TOP1: variants seen among roughly 807,000 people sequenced by gnomAD.
TOP1 encodes DNA topoisomerase I.
In TOP1, 10 loss-of-function variants were observed where a neutral mutation model predicts 111.1. That is an observed-to-expected ratio of 0.09 (90% confidence interval 0.06 to 0.15). TOP1 has a LOEUF of 0.15. Ranked by LOEUF, TOP1 falls within the 10% of genes least tolerant of loss-of-function variation. The probability of loss-of-function intolerance (pLI) is 1.00; values close to 1 mark genes in which losing one functional copy is unlikely to be tolerated. For synonymous variants in TOP1, 271 were observed against 302.9 expected, an observed-to-expected ratio of 0.89 and a Z score of 1.10; for missense variants, 474 against 926.7, an observed-to-expected ratio of 0.51 and a Z score of 6.34.
Position 41,037,088 on chromosome 20 carries a change from C to G in TOP1, c.58+7633C>G, listed in dbSNP as rs536870198. 1.2e-4 allele frequency among the ~76,000 whole-genome samples: 18 copies of G among 152,188 alleles called. No homozygotes were observed. In the South Asian group the frequency reaches 1.9e-3, roughly 16 times the overall value. ...CTCGTGATCCACCAGCCTCGGCCTC[C>G]CAAAGTGCTGGGATTACATGCATGA... On this transcript the variant is annotated intron_variant, in intron 2 of 20. Coordinates refer to ENST00000361337, the MANE Select transcript of TOP1 (RefSeq NM_003286.4).
chr20:41,029,036 G>T lies in TOP1; in HGVS notation c.-32G>T. ...GTCTGCGTCTCCCCCACGCCGCCTC[G>T]CCTGCCGCCGCGCTCGTCCCTCCGG... On this transcript the variant is annotated 5_prime_UTR_variant, in exon 1 of 21. Transcript: ENST00000361337. The surrounding 1 kb of genome is among the most constrained non-coding windows in gnomAD (Gnocchi z 6.1). 3 of 1,542,112 alleles carry T rather than the reference G, an allele frequency of 1.9e-6. No individual in the cohort carries two copies. Among genetic ancestry groups the T allele is most frequent in the South Asian group, 1.2e-5 (1 of 84,478 alleles).
chr20:41,120,379 T>C (rs974791084), intron 18 of TOP1, among the ~76,000 whole-genome samples: 1 of 152,218 alleles, frequency 6.6e-6, no homozygotes, highest in South Asian at 2.1e-4. Flanking sequence ...CAACAAACAA[T>C]TCCAGGTTCA....
At chr20:41,039,334 G>C (rs1352974983) in intron 2 of TOP1, among the ~76,000 whole-genome samples, 3 of 152,114 alleles carry the variant, frequency 2.0e-5, no homozygotes, top group Non-Finnish European at 4.4e-5. Flanking sequence ...GGTACTTTCT[G>C]GCAGTTAATA....
Position 41,095,537 on chromosome 20 carries a change from G to A in TOP1, c.731-1683G>A, listed in dbSNP as rs1019291849. ...GTCTTTCTTCCAAAGCAGAAGCTTGGGGGTTGATGGGGGCAGCTGCGCCAC... is the reference window on the plus strand; with the variant it reads ...GTCTTTCTTCCAAAGCAGAAGCTTGAGGGTTGATGGGGGCAGCTGCGCCAC... On this transcript the variant is annotated intron_variant, in intron 9 of 20. Coordinates refer to ENST00000361337, the MANE Select transcript of TOP1 (RefSeq NM_003286.4). This position sits in a 1 kb window ranked among gnomAD's most constrained non-coding sequence, Gnocchi z 4.6. Among the ~76,000 whole-genome samples the A allele has an allele frequency of 6.6e-6, 1 of 152,128 alleles. No homozygotes were observed. Among genetic ancestry groups the A allele is most frequent in the Non-Finnish European group, 1.5e-5 (1 of 68,016 alleles).
chr20:41,097,193 A>C lies in TOP1; in HGVS notation c.731-27A>C. ...GCTTAGAACATGAATACTATACCTCACTTTTTGGAACCACTTTTTTCTCTA... is the reference window on the plus strand; with the variant it reads ...GCTTAGAACATGAATACTATACCTCCCTTTTTGGAACCACTTTTTTCTCTA... On this transcript the variant is annotated intron_variant, in intron 9 of 20. Coordinates refer to ENST00000361337, the MANE Select transcript of TOP1 (RefSeq NM_003286.4). The surrounding 1 kb of genome is among the most constrained non-coding windows in gnomAD (Gnocchi z 4.2). The C allele has an allele frequency of 6.2e-7, 1 of 1,609,354 alleles. No homozygotes were observed. The highest frequency in any genetic ancestry group is 8.5e-7 in the Non-Finnish European group (1 of 1,178,834).
chr20:41,071,493 T>G lies in TOP1; in HGVS notation c.156-4678T>G, dbSNP rs1488421790. 6.6e-6 allele frequency among the ~76,000 whole-genome samples: 1 copy of G among 151,980 alleles called. No homozygotes were observed. Among genetic ancestry groups the G allele is most frequent in the Non-Finnish European group, 1.5e-5 (1 of 67,966 alleles). On this transcript the variant is annotated intron_variant, in intron 3 of 20. Coordinates refer to ENST00000361337, the MANE Select transcript of TOP1 (RefSeq NM_003286.4). This position sits in a 1 kb window ranked among gnomAD's most constrained non-coding sequence, Gnocchi z 4.3. Reference sequence around the variant, plus strand: ...CCCAGTAGCTGGGATTACAGGCATGTGCCACCACGCCCAGCTAATTTTTGT... The same window carrying G: ...CCCAGTAGCTGGGATTACAGGCATGGGCCACCACGCCCAGCTAATTTTTGT...
In TOP1 at chr20:41,029,840, T is replaced by C; in HGVS notation, c.58+385T>C. The C allele has an allele frequency of 3.6e-6, 1 of 280,364 alleles. No homozygotes were observed. Among genetic ancestry groups the C allele is most frequent in the Non-Finnish European group, 7.0e-6 (1 of 143,416 alleles). 17.4% of individuals were successfully genotyped at this position (280,364 alleles called of 1,614,324 possible). A position where few individuals can be genotyped will look rare whatever the true frequency, so the allele number is the denominator to read the frequency against. Reference sequence around the variant, plus strand: ...TCTTTCTCTCCCTCCCTCGGCTCTTTCCTTGAGCTGCCCAGAATGAGCTTT... The same window carrying C: ...TCTTTCTCTCCCTCCCTCGGCTCTTCCCTTGAGCTGCCCAGAATGAGCTTT... On this transcript the variant is annotated intron_variant, in intron 2 of 20. Coordinates refer to ENST00000361337, the MANE Select transcript of TOP1 (RefSeq NM_003286.4). The surrounding 1 kb of genome is among the most constrained non-coding windows in gnomAD (Gnocchi z 6.1).
At chr20:41,035,851 C>T (rs2033178557) in intron 2 of TOP1, among the ~76,000 whole-genome samples, 1 of 152,126 alleles carries the variant, frequency 6.6e-6, no homozygotes, top group African/African-American at 2.4e-5. Flanking sequence ...ACTGATTGTG[C>T]AGGAGACTAA....
rs770398101 is a variant in TOP1, at chr20:41,029,631, C to G, written c.58+176C>G. The G allele has an allele frequency of 3.0e-6, 2 of 674,818 alleles. No individual in the cohort carries two copies. Among genetic ancestry groups the G allele is most frequent in the Admixed American group, 4.3e-5 (2 of 46,238 alleles). The allele number at this position is 674,818 out of a possible 1,614,324, so 41.8% of individuals were successfully genotyped here. Reference sequence around the variant, plus strand: ...CCTCTTGACCCCCTTTCCGGGGACCCCAGCTCCTCCAGATCCCGGCCCTCC... The same window carrying G: ...CCTCTTGACCCCCTTTCCGGGGACCGCAGCTCCTCCAGATCCCGGCCCTCC... On this transcript the variant is annotated intron_variant, in intron 2 of 20. Transcript: ENST00000361337. This position sits in a 1 kb window ranked among gnomAD's most constrained non-coding sequence, Gnocchi z 6.1.
At chr20:41,035,478 A>C (rs904187005) in intron 2 of TOP1, among the ~76,000 whole-genome samples, 2 of 152,198 alleles carry the variant, frequency 1.3e-5, no homozygotes, top group Admixed American at 6.5e-5. Context: ...AAAGATGTTA[A>C]AGCAATCAGT....
At chr20:41,047,362 A>G (rs2033347062) in intron 2 of TOP1, among the ~76,000 whole-genome samples, 1 of 152,230 alleles carries the variant, frequency 6.6e-6, no homozygotes, top group African/African-American at 2.4e-5. Flanking sequence ...ACTGTGTTAC[A>G]GTTTCCTACA....
chr20:41,053,857 C>T (rs980070960), intron 2 of TOP1, among the ~76,000 whole-genome samples: 1 of 152,130 alleles, frequency 6.6e-6, no homozygotes, highest in African/African-American at 2.4e-5. Flanking sequence ...TCTCTAGATA[C>T]ACCTTGGAGT....
In TOP1 at chr20:41,079,549, A is replaced by T. The variant is rs1020675150; in HGVS notation, c.336-536A>T. The stretch of plus-strand genomic sequence containing the variant: ...TTTATTCTGGTTTAACACGTGCCCT[A>T]CTTTTGTTGTAATGTTGTCAGCTTG... On this transcript the variant is annotated intron_variant, in intron 5 of 20. Transcript: ENST00000361337. This position sits in a 1 kb window ranked among gnomAD's most constrained non-coding sequence, Gnocchi z 4.0. Among the ~76,000 whole-genome samples, 1 of 152,214 alleles carries T rather than the reference A, an allele frequency of 6.6e-6. No individual in the cohort carries two copies. The highest frequency in any genetic ancestry group is 6.5e-5 in the Admixed American group (1 of 15,288).
chr20:41,053,511 C>A (rs1568677120), intron 2 of TOP1, among the ~76,000 whole-genome samples: 1 of 152,178 alleles, frequency 6.6e-6, no homozygotes, highest in Non-Finnish European at 1.5e-5. Flanking sequence ...CCTTACTGCG[C>A]TTACTGAAAA....
rs2034454268 is a variant in TOP1 at position 41,123,724 on chromosome 20, A to C, written c.*427A>C. On this transcript the variant is annotated 3_prime_UTR_variant, in exon 21 of 21. Transcript: ENST00000361337. The surrounding 1 kb of genome is among the most constrained non-coding windows in gnomAD (Gnocchi z 5.8). Reference sequence around the variant, plus strand: ...TATTTTAATAGAAATAAATTCCTAAACTCCCTTCCCTCTCTCCCATTTCAG... The same window carrying C: ...TATTTTAATAGAAATAAATTCCTAACCTCCCTTCCCTCTCTCCCATTTCAG... 2 of 232,240 alleles carry C rather than the reference A, an allele frequency of 8.6e-6. No homozygotes were observed. Among genetic ancestry groups the C allele is most frequent in the African/African-American group, 4.4e-5 (2 of 45,260 alleles). 14.4% of individuals were successfully genotyped at this position (232,240 alleles called of 1,614,324 possible). A position where few individuals can be genotyped will look rare whatever the true frequency, so the allele number is the denominator to read the frequency against.
intron 11 of TOP1, 139 bp from the exon 12 acceptor site, chr20:41,099,917 T>C: frequency 1.7e-6 from 1 of 573,382 alleles, no homozygotes. Flanking sequence ...CCACTAGAGG[T>C]TTTCCTTTAT....
At chr20:41,072,573 C>T (rs955574418) in intron 3 of TOP1, 20 of 985,254 alleles carry the variant, frequency 2.0e-5, no homozygotes, top group Non-Finnish European at 2.0e-5. Context: ...TGTTCCCCAG[C>T]GCCTTTGCTA....
intron 8 of TOP1, among the ~76,000 whole-genome samples, chr20:41,085,281 A>G (rs1009984570): frequency 6.6e-6 from 1 of 152,238 alleles, no homozygotes; most frequent in Non-Finnish European, 1.5e-5. Flanking sequence ...AAAAAAAATG[A>G]TAAATCTTTT....
chr20:41,087,364 A>G (rs1171106360), intron 8 of TOP1, among the ~76,000 whole-genome samples: 1 of 152,240 alleles, frequency 6.6e-6, no homozygotes, highest in Non-Finnish European at 1.5e-5. Context: ...AATTAAGTAC[A>G]CTTTTGTGTC....
Sources: gnomAD v4.1 joint callset for allele counts (sites outside exome capture counted in the v4.1 genomes callset) on GRCh38, gnomAD v4.1.1 for gene constraint, Gnocchi (gnomAD v3.1) non-coding constraint, MANE v1.5 for transcripts, NCBI Gene and HGNC (gene_info 2026-07-23, HGNC 2026-07-21) for gene names.